Variants in SETX observed in about 807,000 individuals in gnomAD.
SETX encodes helicase senataxin.
In SETX, 90 loss-of-function variants were observed where a neutral mutation model predicts 227.2. The observed-to-expected ratio is 0.40, with a 90% CI of 0.33 to 0.47. The LOEUF (loss-of-function observed/expected upper bound fraction) is 0.47, where lower values mean the gene tolerates loss of function less well. Among genes scored for constraint, SETX ranks in the 20% least tolerant of loss-of-function variants. The pLI, the probability that SETX is intolerant of heterozygous loss-of-function variation, is 0.91. For missense variants in SETX, 3,052 were observed against 3,181.5 expected (o/e 0.96, Z 0.98); for synonymous variants, 1,210 against 1,113.2 (o/e 1.09, Z -1.73).
intron 14 of SETX, among the ~76,000 whole-genome samples, chr9:132,296,250 C>G (rs760532013): frequency 6.6e-6 from 1 of 152,218 alleles, no homozygotes; most frequent in African/African-American, 2.4e-5. Context: ...CATCCACTTA[C>G]TTTAATGAAT....
intron 25 of SETX, among the ~76,000 whole-genome samples, chr9:132,265,897 C>T (rs1564465730): frequency 6.6e-6 from 1 of 152,140 alleles, no homozygotes; most frequent in East Asian, 1.9e-4. Flanking sequence ...AAAGGCCTCC[C>T]AAACCCCGAA....
Position 132,277,169 on chromosome 9 carries a change from G to C in SETX, c.6843-17C>G, listed in dbSNP as rs766745221. On this transcript the variant is annotated splice_polypyrimidine_tract_variant and intron_variant, in intron 21 of 25. Coordinates refer to ENST00000224140, the MANE Select transcript of SETX (RefSeq NM_015046.7). ...TCTGTCTGTCTGTAAAAAAAAAAAA[G>C]CAGTCAACATTCAGAATAAAGTCAA... The C allele has an allele frequency of 1.1e-5, 15 of 1,391,162 alleles. No individual in the cohort carries two copies. The highest frequency in any genetic ancestry group is 1.3e-5 in the Non-Finnish European group (13 of 995,082). The allele number at this position is 1,391,162 out of a possible 1,614,324, so 86.2% of individuals were successfully genotyped here.
At chr9:132,301,896 C>T (rs1014682710) in intron 11 of SETX, among the ~76,000 whole-genome samples, 1 of 152,156 alleles carries the variant, frequency 6.6e-6, no homozygotes, top group Admixed American at 6.5e-5. Flanking sequence ...TACCAACTGC[C>T]GAATCTAGCC....
rs376305954 is a variant in SETX, at chr9:132,329,389, C to T, written c.2209G>A (p.Asp737Asn). 3 of 1,613,810 alleles carry T rather than the reference C, an allele frequency of 1.9e-6. No homozygotes were observed. The African/African-American group carries it at 4.0e-5, about 22-fold the overall frequency. ...TSRNGPERGCDRGIIVSTRLL... is the reference protein window; with the variant it reads ...TSRNGPERGCNRGIIVSTRLL... ...CGTGTTGATACTATTATTCCTCTGTCACATCCCCTTTCTGGACCATTTCTT... is the reference window on the plus strand; with the variant it reads ...CGTGTTGATACTATTATTCCTCTGTTACATCCCCTTTCTGGACCATTTCTT... Residue 737 changes from aspartate (D) to asparagine (N), a missense_variant, in exon 10 of 26, where the codon GAC becomes AAC. Physicochemically the swap from Asp to Asn is conservative, Grantham distance 23. Transcript: ENST00000224140.
At chr9:132,285,762 C>A (rs1232379257) in intron 18 of SETX, among the ~76,000 whole-genome samples, 1 of 150,544 alleles carries the variant, frequency 6.6e-6, no homozygotes, top group Non-Finnish European at 1.5e-5. Flanking sequence ...CACCTGTAGT[C>A]CCAGCTACTC....
At chr9:132,288,794 G>A in intron 15 of SETX, 143 bp from the exon 16 acceptor site, 1 of 668,948 alleles carries the variant, frequency 1.5e-6, no homozygotes, top group Non-Finnish European at 2.7e-6. Context: ...CCAGACACCA[G>A]GGACTACACC....
chr9:132,281,781 G>T (rs184494976), intron 19 of SETX, among the ~76,000 whole-genome samples: 1 of 152,066 alleles, frequency 6.6e-6, no homozygotes, highest in Non-Finnish European at 1.5e-5. Context: ...GCTAACACAC[G>T]TAATGCCAGC....
intron 22 of SETX, among the ~76,000 whole-genome samples, chr9:132,275,751 A>T (rs1389870193): frequency 6.6e-6 from 1 of 152,232 alleles, no homozygotes; most frequent in Non-Finnish European, 1.5e-5. Flanking sequence ...TATTAAGAAC[A>T]GCAGTATTAA....
At chr9:132,276,789 G>T (rs1257373457) in intron 22 of SETX, among the ~76,000 whole-genome samples, 1 of 152,194 alleles carries the variant, frequency 6.6e-6, no homozygotes, top group Non-Finnish European at 1.5e-5. Flanking sequence ...CTGAAGGCCT[G>T]TCTTCCCATG....
In SETX at chr9:132,277,158, A is replaced by G; in HGVS notation, c.6843-6T>C. On this transcript the variant is annotated splice_region_variant and splice_polypyrimidine_tract_variant and intron_variant, in intron 21 of 25. Coordinates refer to ENST00000224140, the MANE Select transcript of SETX (RefSeq NM_015046.7). Reference sequence around the variant, plus strand: ...ATCGAATGGCTTCTGTCTGTCTGTAAAAAAAAAAAAGCAGTCAACATTCAG... The same window carrying G: ...ATCGAATGGCTTCTGTCTGTCTGTAGAAAAAAAAAAGCAGTCAACATTCAG... 1 of 1,389,342 alleles carries G rather than the reference A, an allele frequency of 7.2e-7. No individual in the cohort carries two copies. Among genetic ancestry groups the G allele is most frequent in the Non-Finnish European group, 9.9e-7 (1 of 1,009,066 alleles). 86.1% of individuals were successfully genotyped at this position (1,389,342 alleles called of 1,614,324 possible).
In SETX at chr9:132,286,445, T is replaced by C; in HGVS notation, c.6374A>G (p.Glu2125Gly). The change falls in exon 18 of 26, where the codon GAA becomes GGA. Residue 2125 changes from glutamate to glycine, a missense_variant. Transcript: ENST00000224140. ...TACCTCTTTAATTTTAGAAGCAAGT[T>C]CCTGCCTTTCCTTAGAAACTTTGGA... The part of the protein sequence containing the change: ...NISKVSKERQ[E>G]LASKIKEVQG... 1 of 1,613,408 alleles carries C rather than the reference T, an allele frequency of 6.2e-7. No homozygotes were observed. Among genetic ancestry groups the C allele is most frequent in the Non-Finnish European group, 8.5e-7 (1 of 1,179,728 alleles).
At chr9:132,324,929 A>T (rs958948364) in intron 10 of SETX, among the ~76,000 whole-genome samples, 128 of 152,340 alleles carry the variant, frequency 8.4e-4, no homozygotes, top group African/African-American at 2.2e-3. Flanking sequence ...CTAAAGAATT[A>T]TTTGATGTTT....
rs762832121 is a variant in SETX at position 132,327,555 on chromosome 9, A to G, written c.4043T>C (p.Leu1348Pro). The stretch of plus-strand genomic sequence containing the variant: ...GGGTCTGATCTGCCTTTGCATCTGA[A>G]GTTCTTGACTAGTCAGAAGTTTCTT... ...NNKKLLTSQE[L>P]QMQRQIRPKS... Residue 1348 changes from leucine to proline, a missense_variant, in exon 10 of 26, where the codon CTT (leucine) becomes CCT (proline). Physicochemically the swap from Leu to Pro is moderately conservative, Grantham distance 98. Transcript: ENST00000224140. The G allele has an allele frequency of 6.2e-7, 1 of 1,614,058 alleles. No individual in the cohort carries two copies. Among genetic ancestry groups the G allele is most frequent in the East Asian group, 2.2e-5 (1 of 44,892 alleles).
intron 11 of SETX, among the ~76,000 whole-genome samples, chr9:132,303,555 A>G (rs908116537): frequency 2.1e-4 from 32 of 151,950 alleles, no homozygotes; most frequent in African/African-American, 7.2e-4. Context: ...TTCAAAAGAT[A>G]CTGTTAGGAA....
chr9:132,320,030 G>T (rs1846220616), intron 10 of SETX, among the ~76,000 whole-genome samples: 1 of 151,834 alleles, frequency 6.6e-6, no homozygotes, highest in Non-Finnish European at 1.5e-5. Context: ...TTGGCCCCTG[G>T]CAAAACAGTG....
chr9:132,316,735 A>G lies in SETX; in HGVS notation c.5275-4879T>C, dbSNP rs912542178. On this transcript the variant is annotated intron_variant, in intron 10 of 25. Coordinates refer to ENST00000224140, the MANE Select transcript of SETX (RefSeq NM_015046.7). ...TATCTAAGATTGACACATATGCAAG[A>G]AGGAGTTCCTTCTTAGGAGCCAAAG... Among the ~76,000 whole-genome samples, 9 of 152,302 alleles carry G rather than the reference A, an allele frequency of 5.9e-5. No homozygotes were observed. The East Asian group carries it at 1.5e-3, about 26-fold the overall frequency.
rs372993539 is a variant in SETX, at chr9:132,288,203, A to T, written c.6324+33T>A. 3.9e-6 allele frequency: 6 copies of T among 1,557,094 alleles called. No homozygotes were observed. The African/African-American group carries it at 6.8e-5, about 18-fold the overall frequency. On this transcript the variant is annotated intron_variant, in intron 17 of 25. Coordinates refer to ENST00000224140, the MANE Select transcript of SETX (RefSeq NM_015046.7). Reference sequence around the variant, plus strand: ...AAAAAACTTGTTAACTAGTTCGTATACCTGAGTTATTATTCAAGAAATGCA... The same window carrying T: ...AAAAAACTTGTTAACTAGTTCGTATTCCTGAGTTATTATTCAAGAAATGCA...
intron 10 of SETX, among the ~76,000 whole-genome samples, chr9:132,317,826 G>T (rs1331093920): frequency 1.3e-5 from 2 of 151,474 alleles, no homozygotes; most frequent in African/African-American, 4.9e-5. Context: ...AGGTAACATT[G>T]TTCCTGGAAC....
intron 3 of SETX, among the ~76,000 whole-genome samples, chr9:132,348,372 AC>A (rs1848422661): frequency 1.5e-5 from 1 of 66,254 alleles, no homozygotes; most frequent in African/African-American, 5.0e-5. Context: ...CAAAAAAAAA[AC>A]AAAACAAAAA....
Sources: allele counts gnomAD v4.1 joint callset (sites outside exome capture counted in the v4.1 genomes callset), GRCh38; gene constraint gnomAD v4.1.1; transcripts MANE v1.5; gene names NCBI Gene and HGNC (gene_info 2026-07-23, HGNC 2026-07-21).